Variants in KALRN observed in about 807,000 individuals in gnomAD.
The protein encoded by KALRN is kalirin.
A neutral mutation model predicts 353.7 loss-of-function variants in KALRN; 70 were observed. That is an observed-to-expected ratio of 0.20 (90% confidence interval 0.16 to 0.24). The LOEUF (loss-of-function observed/expected upper bound fraction) is 0.24. Ranked by LOEUF, KALRN falls within the 10% of genes least tolerant of loss-of-function variation. The pLI, the probability that KALRN is intolerant of heterozygous loss-of-function variation, is 1.00. For synonymous variants in KALRN, 1,391 were observed against 1,434.8 expected (o/e 0.97, Z 0.69); for missense variants, 2,791 against 3,756.7 (o/e 0.74, Z 6.72).
intron 33 of KALRN, among the ~76,000 whole-genome samples, chr3:124,524,633 A>T (rs142017966): frequency 6.8e-4 from 103 of 152,312 alleles, no homozygotes; most frequent in African/African-American, 2.4e-3. Flanking sequence ...AGAGAGTGGA[A>T]TGCAAGATTC....
chr3:124,164,382 T>G (rs540946583), intron 1 of KALRN: 1 of 152,238 alleles, frequency 6.6e-6, no homozygotes, highest in Non-Finnish European at 1.5e-5. Flanking sequence ...GATTCTAGAA[T>G]AGAGCTGGGA....
At chr3:124,208,293 A>T (rs2076596269) in intron 1 of KALRN, among the ~76,000 whole-genome samples, 1 of 152,232 alleles carries the variant, frequency 6.6e-6, no homozygotes, top group Admixed American at 6.5e-5. Flanking sequence ...GTTGAACATA[A>T]ATTGCTTTGA....
At chr3:124,318,317 C>G (rs991237008) in intron 6 of KALRN, among the ~76,000 whole-genome samples, 4 of 152,172 alleles carry the variant, frequency 2.6e-5, no homozygotes, top group Admixed American at 1.3e-4. Context: ...CATTTGGCCC[C>G]CCAGAGGGCA....
At chr3:124,495,990 T>TATATATATATATAC (rs2063756028) in intron 32 of KALRN, among the ~76,000 whole-genome samples, 1 of 58,532 alleles carries the variant, frequency 1.7e-5, no homozygotes, top group African/African-American at 8.6e-5. Flanking sequence ...TATATATATA[T>TATATATATATATAC]ATATATATAT....
chr3:124,557,773 G>T (rs756727305), intron 33 of KALRN, among the ~76,000 whole-genome samples: 1 of 152,158 alleles, frequency 6.6e-6, no homozygotes, highest in Non-Finnish European at 1.5e-5. Flanking sequence ...TCTGATGGGC[G>T]CTCTTGGGCA....
At chr3:124,284,457 T>TGCTG (rs1310570404) in intron 5 of KALRN, among the ~76,000 whole-genome samples, 1 of 152,272 alleles carries the variant, frequency 6.6e-6, no homozygotes, top group Non-Finnish European at 1.5e-5. Flanking sequence ...GTCTTTCAAG[T>TGCTG]GCTGTCCAGG....
At chr3:124,111,655 G>A (rs2062986817) in intron 1 of KALRN, among the ~76,000 whole-genome samples, 1 of 152,100 alleles carries the variant, frequency 6.6e-6, no homozygotes, top group African/African-American at 2.4e-5. Context: ...GCTCTGAATG[G>A]TGCAAGAAAA....
At chr3:124,092,183 G>T (rs901415014) in intron 1 of KALRN, among the ~76,000 whole-genome samples, 1 of 152,210 alleles carries the variant, frequency 6.6e-6, no homozygotes, top group African/African-American at 2.4e-5. Flanking sequence ...CTGCAAATGA[G>T]ACTGTGTGGA....
Position 124,456,718 on chromosome 3 carries a change from C to T in KALRN, c.3844C>T (p.Arg1282Trp), listed in dbSNP as rs1221373420. Residue 1282 changes from arginine to tryptophan, a missense_variant, in exon 23 of 60, where the codon CGG becomes TGG. By Grantham distance (101) the Arg-to-Trp change is moderately radical (BLOSUM62 -3). Coordinates refer to ENST00000682506, the MANE Select transcript of KALRN (RefSeq NM_001388419.1). ...EVNEEKRKSA[R>W]KKEFIMAELL... ...CAATGAAGAGAAGCGGAAGTCAGCCCGGAAGAAAGAGTACGTGTTGGCTTC... is the reference window on the plus strand; with the variant it reads ...CAATGAAGAGAAGCGGAAGTCAGCCTGGAAGAAAGAGTACGTGTTGGCTTC... 1.9e-6 allele frequency: 3 copies of T among 1,611,750 alleles called. No individual in the cohort carries two copies. Among genetic ancestry groups the T allele is most frequent in the South Asian group, 1.1e-5 (1 of 90,936 alleles).
chr3:124,238,293 G>A (rs1480337877), intron 3 of KALRN, among the ~76,000 whole-genome samples: 1 of 152,168 alleles, frequency 6.6e-6, no homozygotes, highest in Admixed American at 6.5e-5. Context: ...CCAGAAATGA[G>A]GGAACAGGCA....
At chr3:124,646,516 G>A (rs950154980) in intron 37 of KALRN, among the ~76,000 whole-genome samples, 2 of 149,180 alleles carry the variant, frequency 1.3e-5, no homozygotes, top group Admixed American at 6.8e-5. Context: ...TCAGCCTCCC[G>A]AGTAGCTGGG....
chr3:124,065,437 G>A (rs1364752475), intron 1 of KALRN, among the ~76,000 whole-genome samples: 2 of 152,256 alleles, frequency 1.3e-5, no homozygotes, highest in Non-Finnish European at 2.9e-5. Context: ...TTGTAGCTGA[G>A]TGCCCTCATA....
chr3:124,354,726 A>C (rs2083200681), intron 10 of KALRN, among the ~76,000 whole-genome samples: 1 of 152,222 alleles, frequency 6.6e-6, no homozygotes, highest in Admixed American at 6.5e-5. Flanking sequence ...AGATAAATAT[A>C]ATAGGTAGTC....
chr3:124,150,160 A>G (rs921598640), intron 1 of KALRN, among the ~76,000 whole-genome samples: 9 of 152,150 alleles, frequency 5.9e-5, no homozygotes, highest in Admixed American at 1.3e-4. Context: ...GAAAAATTGT[A>G]TTTTTATAAA....
intron 5 of KALRN, among the ~76,000 whole-genome samples, chr3:124,276,460 G>A (rs553318895): frequency 6.6e-6 from 1 of 152,092 alleles, no homozygotes; most frequent in Non-Finnish European, 1.5e-5. Flanking sequence ...CCTGCCTGGG[G>A]TGACCAGAAC....
intron 33 of KALRN, among the ~76,000 whole-genome samples, chr3:124,542,295 G>A (rs1473810370): frequency 1.3e-5 from 2 of 152,144 alleles, no homozygotes; most frequent in African/African-American, 2.4e-5. Context: ...TTCAGCTCTG[G>A]AACTTAGTAG....
chr3:124,229,114 C>T (rs903002098), intron 2 of KALRN, among the ~76,000 whole-genome samples: 3 of 152,202 alleles, frequency 2.0e-5, no homozygotes, highest in Admixed American at 2.0e-4. Context: ...TATTATTCAA[C>T]CTACTACAGA....
intron 11 of KALRN, among the ~76,000 whole-genome samples, chr3:124,387,692 A>G (rs904212253): frequency 3.9e-5 from 6 of 152,220 alleles, no homozygotes; most frequent in African/African-American, 1.4e-4. Context: ...CTTTCTCCTC[A>G]GTCCCAAAAT....
intron 33 of KALRN, among the ~76,000 whole-genome samples, chr3:124,555,376 T>C (rs1216722567): frequency 1.3e-5 from 2 of 151,702 alleles, no homozygotes; most frequent in Non-Finnish European, 2.9e-5. Context: ...ATCGCACCAC[T>C]GCACTCCAGC....
Sources: gnomAD v4.1 joint callset for allele counts (sites outside exome capture counted in the v4.1 genomes callset) on GRCh38, gnomAD v4.1.1 for gene constraint, MANE v1.5 for transcripts, NCBI Gene and HGNC (gene_info 2026-07-23, HGNC 2026-07-21) for gene names.